The following MMP16 variants were observed in gnomAD, a reference collection of about 807,000 sequenced individuals.
MMP16 encodes the protein matrix metallopeptidase 16.
Under a neutral mutation model 67.8 loss-of-function variants are expected in MMP16, and 12 were observed. That is an observed-to-expected ratio of 0.18 (90% CI 0.11 to 0.29). The LOEUF (loss-of-function observed/expected upper bound fraction) is 0.29. Ranked by LOEUF, MMP16 falls within the 10% of genes least tolerant of loss-of-function variation. The pLI, the probability that MMP16 is intolerant of heterozygous loss-of-function variation, is 1.00. For synonymous variants in MMP16, 249 were observed against 255.9 expected (o/e 0.97, Z 0.26); for missense variants, 475 against 765.7 (o/e 0.62, Z 4.48).
chr8:88,281,256 G>A (rs536472437), intron 1 of MMP16, among the ~76,000 whole-genome samples: 1 of 152,180 alleles, frequency 6.6e-6, no homozygotes, highest in Admixed American at 6.5e-5. Context: ...ATTCATTTAG[G>A]GCTCATCTTA....
chr8:88,129,682 C>G (rs901021698), intron 4 of MMP16, among the ~76,000 whole-genome samples: 3 of 151,474 alleles, frequency 2.0e-5, no homozygotes, highest in Non-Finnish European at 3.0e-5. Flanking sequence ...CTCTCCCAAG[C>G]ATGTATTTTT....
rs772949475 is a variant in MMP16 at position 88,186,554 on chromosome 8, C to CCA, written c.325_326insTG (p.Gly109ValfsTer15). 1 of 1,605,542 alleles carries CCA rather than the reference C, an allele frequency of 6.2e-7. No individual in the cohort carries two copies. The highest frequency in any genetic ancestry group is 1.1e-5 in the South Asian group (1 of 90,812). On this transcript the variant is annotated frameshift_variant, in exon 3 of 10. Transcript: ENST00000286614. LOFTEE classifies it high-confidence loss of function. ...TCGACGAATATGAAATTTGGAGCTA[C>CCA]CTCTTGTCTGGTCAGGTACACCGCA...
intron 1 of MMP16, among the ~76,000 whole-genome samples, chr8:88,221,160 C>T (rs970544384): frequency 1.3e-5 from 2 of 152,058 alleles, no homozygotes; most frequent in African/African-American, 4.8e-5. Context: ...GAGTGACAGT[C>T]TGCCCAATAA....
intron 4 of MMP16, among the ~76,000 whole-genome samples, chr8:88,124,890 C>G (rs1049594618): frequency 6.6e-6 from 1 of 151,836 alleles, no homozygotes; most frequent in Non-Finnish European, 1.5e-5. Context: ...ATACTCACTT[C>G]GTAAACAGAG....
chr8:88,160,898 C>T (rs1293750035), intron 4 of MMP16, among the ~76,000 whole-genome samples: 1 of 152,124 alleles, frequency 6.6e-6, no homozygotes, highest in Non-Finnish European at 1.5e-5. Flanking sequence ...GGATGAAGCC[C>T]ACTTGATCAT....
intron 6 of MMP16, among the ~76,000 whole-genome samples, chr8:88,082,570 AGAG>A (rs1466505966): frequency 6.6e-6 from 1 of 152,108 alleles, no homozygotes; most frequent in Non-Finnish European, 1.5e-5. Flanking sequence ...TCTGTGTAAA[AGAG>A]GATGGGAAAA....
chr8:88,288,822 T>A (rs1428149237), intron 1 of MMP16, among the ~76,000 whole-genome samples: 1 of 152,210 alleles, frequency 6.6e-6, no homozygotes, highest in Admixed American at 6.5e-5. Flanking sequence ...GATGAAGATA[T>A]ATTTACTCAT....
intron 1 of MMP16, among the ~76,000 whole-genome samples, chr8:88,290,876 C>T (rs1052424035): frequency 3.9e-5 from 6 of 152,134 alleles, no homozygotes; most frequent in African/African-American, 1.4e-4. Context: ...ATGATTTACT[C>T]ATATTTTATT....
At chr8:88,182,507 T>C (rs1367061886) in intron 3 of MMP16, among the ~76,000 whole-genome samples, 1 of 152,134 alleles carries the variant, frequency 6.6e-6, no homozygotes, top group Non-Finnish European at 1.5e-5. Flanking sequence ...TCAAAAAATA[T>C]CACTAACTCT....
At chr8:88,265,311 C>T (rs1198913695) in intron 1 of MMP16, among the ~76,000 whole-genome samples, 1 of 143,980 alleles carries the variant, frequency 6.9e-6, no homozygotes, top group Non-Finnish European at 1.5e-5. Context: ...ATGTGGTTTC[C>T]ATCATGGTCT....
At chr8:88,278,482 C>T (rs1443180914) in intron 1 of MMP16, among the ~76,000 whole-genome samples, 3 of 152,102 alleles carry the variant, frequency 2.0e-5, no homozygotes, top group African/African-American at 4.8e-5. Flanking sequence ...AAAACCAAAT[C>T]TTTAAAGTGC....
intron 7 of MMP16, 50 bp downstream of exon 7, chr8:88,074,555 A>C: frequency 6.3e-7 from 1 of 1,587,030 alleles, no homozygotes; most frequent in Non-Finnish European, 8.6e-7. Context: ...ACAGGGTCCT[A>C]TACAAAATGA....
chr8:88,157,349 C>T (rs1808527447), intron 4 of MMP16, among the ~76,000 whole-genome samples: 1 of 151,738 alleles, frequency 6.6e-6, no homozygotes, highest in South Asian at 2.1e-4. Context: ...GGAGAATGTG[C>T]ACAGGTTATA....
At chr8:88,241,149 A>G (rs748205176) in intron 1 of MMP16, among the ~76,000 whole-genome samples, 4 of 152,002 alleles carry the variant, frequency 2.6e-5, no homozygotes, top group Non-Finnish European at 5.9e-5. Context: ...TAAAAAATAA[A>G]AAGACCAGAA....
At chr8:88,239,294 C>CAAAAAAAAA (rs34599512) in intron 1 of MMP16, among the ~76,000 whole-genome samples, 2 of 80,504 alleles carry the variant, frequency 2.5e-5, no homozygotes, top group Non-Finnish European at 4.4e-5. Context: ...GACGCAGTCT[C>CAAAAAAAAA]AAAAAAAAAA....
intron 1 of MMP16, among the ~76,000 whole-genome samples, chr8:88,304,375 A>T (rs560919069): frequency 6.6e-6 from 1 of 152,362 alleles, no homozygotes; most frequent in African/African-American, 2.4e-5. Flanking sequence ...AACGTACTTC[A>T]GGATATCATC....
chr8:88,091,571 TCACA>T lies in MMP16; in HGVS notation c.1084-16832_1084-16829del, dbSNP rs541618142. 3.9e-3 allele frequency among the ~76,000 whole-genome samples: 508 copies of T among 131,240 alleles called. 7 individuals carry two copies. Among genetic ancestry groups the T allele is most frequent in the African/African-American group, 0.014 (481 of 33,982 alleles). The allele number at this position is 131,240 out of a possible 152,430, so 86.1% of individuals were successfully genotyped here. ...CATTTACACACACAAACACACACAC[TCACA>T]CACACACAGGTTTAAGATATTCTCT... is the stretch of plus-strand genomic sequence containing the variant. On this transcript the variant is annotated intron_variant, in intron 6 of 9. Coordinates refer to ENST00000286614, the MANE Select transcript of MMP16 (RefSeq NM_005941.5).
intron 1 of MMP16, among the ~76,000 whole-genome samples, chr8:88,316,897 CA>C (rs1811382973): frequency 6.6e-6 from 1 of 152,072 alleles, no homozygotes; most frequent in Non-Finnish European, 1.5e-5. Flanking sequence ...AAAATAACAA[CA>C]GTAACAGGAG....
chr8:88,063,270 C>T (rs986482046), intron 7 of MMP16, among the ~76,000 whole-genome samples: 3 of 151,910 alleles, frequency 2.0e-5, no homozygotes, highest in Admixed American at 6.6e-5. Context: ...TCTATTCATC[C>T]GTCTATTCTC....
Sources: gnomAD v4.1 joint callset for allele counts (sites outside exome capture counted in the v4.1 genomes callset) on GRCh38, gnomAD v4.1.1 for gene constraint, MANE v1.5 for transcripts, NCBI Gene and HGNC (gene_info 2026-07-23, HGNC 2026-07-21) for gene names.